Variants in CPNE4 observed in about 807,000 individuals in gnomAD.
The protein encoded by CPNE4 is copine 4.
A neutral mutation model predicts 67.9 loss-of-function variants in CPNE4; 25 were observed. That is an observed-to-expected ratio of 0.37 (90% CI 0.27 to 0.51). The LOEUF is 0.51. Among genes scored for constraint, CPNE4 ranks in the 20% least tolerant of loss-of-function variants. The pLI is 0.93. For missense variants in CPNE4, 464 were observed against 690.8 expected (o/e 0.67, Z 3.68); for synonymous variants, 242 against 244.9 (o/e 0.99, Z 0.11).
intron 11 of CPNE4, among the ~76,000 whole-genome samples, chr3:131,557,208 T>A (rs1204717844): frequency 6.6e-6 from 1 of 152,150 alleles, no homozygotes; most frequent in East Asian, 1.9e-4. Context: ...CAAGGACGTG[T>A]CCTTCTCATG....
chr3:131,560,699 T>C (rs981974022), intron 11 of CPNE4, among the ~76,000 whole-genome samples: 2 of 152,008 alleles, frequency 1.3e-5, no homozygotes, highest in African/African-American at 4.8e-5. Context: ...CGTGAGGTGT[T>C]TGGGGCTTAA....
Position 131,533,678 on chromosome 3 carries a change from G to A in CPNE4, c.*1517C>T, listed in dbSNP as rs1934997837. On this transcript the variant is annotated 3_prime_UTR_variant, in exon 16 of 16. Transcript: ENST00000429747. The stretch of plus-strand genomic sequence containing the variant: ...CAAAATGTTGTGCATTTGGTGACAT[G>A]TATTTGCAAGATTAGGATCTATAAT... 6.6e-6 allele frequency: 1 copy of A among 152,166 alleles called. No homozygotes were observed. Among genetic ancestry groups the A allele is most frequent in the African/African-American group, 2.4e-5 (1 of 41,436 alleles). The allele number at this position is 152,166 out of a possible 1,614,324, so 9.4% of individuals were successfully genotyped here.
intron 6 of CPNE4, among the ~76,000 whole-genome samples, chr3:131,678,110 G>A (rs2080635149): frequency 6.6e-6 from 1 of 152,108 alleles, no homozygotes; most frequent in Non-Finnish European, 1.5e-5. Flanking sequence ...ATCTCTTTGA[G>A]TAGTGGTTTG....
intron 14 of CPNE4, among the ~76,000 whole-genome samples, chr3:131,549,202 C>T (rs1184180671): frequency 6.6e-6 from 1 of 152,026 alleles, no homozygotes; most frequent in Non-Finnish European, 1.5e-5. Context: ...AACATGAAGA[C>T]AGTGCAAGAA....
At chr3:131,900,617 G>A (rs934889851) in intron 2 of CPNE4, among the ~76,000 whole-genome samples, 3 of 152,110 alleles carry the variant, frequency 2.0e-5, no homozygotes, top group Admixed American at 1.3e-4. Flanking sequence ...GGACACTGAG[G>A]TCTTTGAGGA....
intron 1 of CPNE4, among the ~76,000 whole-genome samples, chr3:132,013,399 C>A (rs996126661): frequency 6.6e-6 from 1 of 152,108 alleles, no homozygotes; most frequent in Non-Finnish European, 1.5e-5. Flanking sequence ...ATTACATTGA[C>A]CACATGCTTT....
chr3:132,002,707 G>A (rs7631159), intron 1 of CPNE4, among the ~76,000 whole-genome samples: 89,549 of 151,250 alleles, frequency 0.59, 27,201 homozygotes, highest in South Asian at 0.71. Context: ...GGTATAAAAA[G>A]CAAAAACAAA....
At chr3:131,811,244 A>G (rs192185183) in intron 2 of CPNE4, among the ~76,000 whole-genome samples, 24 of 152,218 alleles carry the variant, frequency 1.6e-4, no homozygotes, top group Admixed American at 5.9e-4. Flanking sequence ...AGAAAACTTT[A>G]GGAGATGATG....
At chr3:131,751,764 G>GT (rs61336816) in intron 2 of CPNE4, among the ~76,000 whole-genome samples, 25,392 of 145,042 alleles carry the variant, frequency 0.18, 2,927 homozygotes, top group African/African-American at 0.33. Context: ...CTGTTTAGCT[G>GT]TTTTTTTTTT....
chr3:131,580,441 CATAT>C (rs1362249126), intron 9 of CPNE4, among the ~76,000 whole-genome samples: 6 of 83,900 alleles, frequency 7.2e-5, no homozygotes, highest in East Asian at 2.6e-4. Context: ...TATACATATA[CATAT>C]ACATATACAT....
At chr3:131,632,684 A>G (rs1314743140) in intron 7 of CPNE4, among the ~76,000 whole-genome samples, 2 of 152,088 alleles carry the variant, frequency 1.3e-5, no homozygotes, top group African/African-American at 4.8e-5. Context: ...TATCTGATAG[A>G]TACTTCTCAT....
chr3:131,984,017 T>G (rs11926378), intron 1 of CPNE4, among the ~76,000 whole-genome samples: 29,381 of 152,148 alleles, frequency 0.19, 5,436 homozygotes, highest in African/African-American at 0.49. Flanking sequence ...ATTTTGCCCT[T>G]CTGACTGGTA....
chr3:131,931,886 T>A (rs2071072695), intron 1 of CPNE4, among the ~76,000 whole-genome samples: 1 of 152,168 alleles, frequency 6.6e-6, no homozygotes, highest in Non-Finnish European at 1.5e-5. Context: ...AGTTCTAATA[T>A]TATATTATTC....
At chr3:131,865,189 A>G (rs111246906) in intron 2 of CPNE4, among the ~76,000 whole-genome samples, 11,481 of 152,140 alleles carry the variant, frequency 0.075, 580 homozygotes, top group East Asian at 0.17. Flanking sequence ...TGTCTCTGCC[A>G]GGCTTTGGTA....
intron 2 of CPNE4, among the ~76,000 whole-genome samples, chr3:131,866,193 T>C (rs1257834042): frequency 1.3e-5 from 2 of 152,206 alleles, no homozygotes; most frequent in Non-Finnish European, 2.9e-5. Context: ...CTTATTTAGT[T>C]ATAATCTGAT....
At chr3:131,915,252 A>C (rs1250835409) in intron 1 of CPNE4, among the ~76,000 whole-genome samples, 3 of 152,194 alleles carry the variant, frequency 2.0e-5, no homozygotes, top group Admixed American at 6.5e-5. Context: ...CTTTCTTTTT[A>C]GACCATGCCA....
At chr3:131,662,509 G>C (rs1176660808) in intron 7 of CPNE4, among the ~76,000 whole-genome samples, 1 of 152,174 alleles carries the variant, frequency 6.6e-6, no homozygotes, top group Admixed American at 6.5e-5. Flanking sequence ...CCTGTAGTGA[G>C]TCAGCTAGGT....
At chr3:131,543,535 G>A (rs942906745) in intron 14 of CPNE4, among the ~76,000 whole-genome samples, 9 of 152,018 alleles carry the variant, frequency 5.9e-5, no homozygotes, top group African/African-American at 2.2e-4. Context: ...AATACATGTG[G>A]ATTTTGAAGA....
At position 131,639,911 on chromosome 3, in the gene CPNE4, A is replaced by G. The variant is rs193255962; in HGVS notation, c.681+29764T>C. On this transcript the variant is annotated intron_variant, in intron 7 of 15. Transcript: ENST00000429747. ...GAATAGAATTAAAAACAAAAATTACATGATTATCTCAATAGATGCATAAAA... is the reference window on the plus strand; with the variant it reads ...GAATAGAATTAAAAACAAAAATTACGTGATTATCTCAATAGATGCATAAAA... Among the ~76,000 whole-genome samples, 51 of 152,308 alleles carry G rather than the reference A, an allele frequency of 3.3e-4. No homozygotes were observed. The East Asian group carries it at 8.1e-3, about 24-fold the overall frequency.
Sources: allele counts gnomAD v4.1 joint callset (sites outside exome capture counted in the v4.1 genomes callset), GRCh38; gene constraint gnomAD v4.1.1; transcripts MANE v1.5; gene names NCBI Gene and HGNC (gene_info 2026-07-23, HGNC 2026-07-21).